Variants in PRRT1B observed in about 807,000 individuals in gnomAD.
The protein encoded by PRRT1B is proline rich transmembrane protein 1B, also known as dispanin subfamily D member 2.
intron 3 of PRRT1B, 57 bp downstream of exon 3, chr9:131,556,270 C>T (rs1236406580): frequency 3.0e-5 from 12 of 400,136 alleles, no homozygotes; most frequent in Non-Finnish European, 4.9e-5. Flanking sequence ...CACTGGCGCC[C>T]CAGTGGGTCC....
chr9:131,550,003 T>C (rs1951000122), intron 1 of PRRT1B, among the ~76,000 whole-genome samples: 2 of 152,132 alleles, frequency 1.3e-5, no homozygotes, highest in Non-Finnish European at 1.5e-5. Flanking sequence ...AAGTATATCA[T>C]GCACCCCTTA....
intron 1 of PRRT1B, among the ~76,000 whole-genome samples, chr9:131,550,875 T>C (rs78514938): frequency 2.6e-5 from 4 of 151,838 alleles, no homozygotes; most frequent in African/African-American, 7.3e-5. Flanking sequence ...TTAATACCTG[T>C]TTTTTTTCTT....
chr9:131,553,194 A>G (rs1291509731), intron 1 of PRRT1B, among the ~76,000 whole-genome samples: 1 of 150,444 alleles, frequency 6.6e-6, no homozygotes, highest in Non-Finnish European at 1.5e-5. Context: ...CATTAAGAAC[A>G]CTCACATTGT....
chr9:131,559,128 C>T (rs1240900102), downstream of PRRT1B, among the ~76,000 whole-genome samples: 1 of 152,180 alleles, frequency 6.6e-6, no homozygotes, highest in Non-Finnish European at 1.5e-5. Flanking sequence ...CAAGAATGAA[C>T]CTGCATTTTA....
chr9:131,550,406 C>T (rs1371362476), intron 1 of PRRT1B, among the ~76,000 whole-genome samples: 5 of 152,188 alleles, frequency 3.3e-5, no homozygotes, highest in Admixed American at 6.5e-5. Flanking sequence ...CCATCAGGCT[C>T]AGCAAATTAC....
chr9:131,554,853 G>A (rs1454582729), exon 2 of PRRT1B: 4 of 371,094 alleles, frequency 1.1e-5, no homozygotes, highest in Non-Finnish European at 1.9e-5. Context: ...CCCGCCCTAC[G>A]CGCCGCCGGA....
At position 131,549,903 on chromosome 9, in the gene PRRT1B, C is replaced by T. The variant is rs1026881693; in HGVS notation, c.25+4263C>T. On this transcript the variant is annotated intron_variant, in intron 1 of 3. Coordinates refer to ENST00000636672, the Ensembl canonical transcript of PRRT1B. The stretch of plus-strand genomic sequence containing the variant: ...AAATTATCTGCTTCCCTGACTATTC[C>T]TGGACTACAGCCACATCTCATTGCC... 2.6e-5 allele frequency among the ~76,000 whole-genome samples: 4 copies of T among 152,262 alleles called. No individual in the cohort carries two copies. The South Asian group carries it at 8.3e-4, about 32-fold the overall frequency.
At chr9:131,558,895 T>A (rs11792907), downstream of PRRT1B, among the ~76,000 whole-genome samples, 1 of 152,144 alleles carries the variant, frequency 6.6e-6, no homozygotes, top group Non-Finnish European at 1.5e-5. Flanking sequence ...CTGTCCACAG[T>A]TGGGCTCCAG....
At position 131,551,003 on chromosome 9, in the gene PRRT1B, C is replaced by T. The variant is rs1471335301; in HGVS notation, c.26-3554C>T. Reference sequence around the variant, plus strand: ...TGTTTCCCAGGCTGGAGTGCAGTGGCGCGATCTCGGCTCACTGCAAGCTCT... The same window carrying T: ...TGTTTCCCAGGCTGGAGTGCAGTGGTGCGATCTCGGCTCACTGCAAGCTCT... On this transcript the variant is annotated intron_variant, in intron 1 of 3. Coordinates refer to ENST00000636672, the Ensembl canonical transcript of PRRT1B. The surrounding 1 kb of genome is among the most constrained non-coding windows in gnomAD (Gnocchi z 4.4). 7.2e-5 allele frequency among the ~76,000 whole-genome samples: 10 copies of T among 138,122 alleles called. No individual in the cohort carries two copies. The highest frequency in any genetic ancestry group is 2.2e-4 in the South Asian group (1 of 4,462). The allele number at this position is 138,122 out of a possible 152,430, so 90.6% of individuals were successfully genotyped here.
At chr9:131,553,194 A>C (rs1291509731) in intron 1 of PRRT1B, among the ~76,000 whole-genome samples, 1 of 150,444 alleles carries the variant, frequency 6.6e-6, no homozygotes, top group Non-Finnish European at 1.5e-5. Flanking sequence ...CATTAAGAAC[A>C]CTCACATTGT....
At chr9:131,552,655 G>A (rs1012155721) in intron 1 of PRRT1B, among the ~76,000 whole-genome samples, 1 of 131,908 alleles carries the variant, frequency 7.6e-6, no homozygotes, top group South Asian at 2.2e-4. Flanking sequence ...CATGCAGTTT[G>A]GGGGGGAGCC....
chr9:131,554,892 C>T (rs1951037846), exon 2 of PRRT1B: 3 of 382,986 alleles, frequency 7.8e-6, no homozygotes. Flanking sequence ...GCTGTACCCG[C>T]CCTTCCCGCA....
At chr9:131,545,602 C>A in exon 1 of PRRT1B, 1 of 396,188 alleles carries the variant, frequency 2.5e-6, no homozygotes, top group Non-Finnish European at 4.4e-6. Context: ...TTGCAGCCGC[C>A]GCGGGCTCGG....
At chr9:131,547,608 C>T (rs184827436) in intron 1 of PRRT1B, among the ~76,000 whole-genome samples, 24 of 152,322 alleles carry the variant, frequency 1.6e-4, no homozygotes, top group African/African-American at 5.1e-4. Context: ...TCTCTTCACA[C>T]GGACGCGAGT....
intron 1 of PRRT1B, among the ~76,000 whole-genome samples, chr9:131,554,106 C>T (rs1951029753): frequency 6.6e-6 from 1 of 152,224 alleles, no homozygotes; most frequent in Non-Finnish European, 1.5e-5. Flanking sequence ...CACCTCACCC[C>T]TCCCCTACAA....
At chr9:131,547,141 G>T (rs1199182264) in intron 1 of PRRT1B, among the ~76,000 whole-genome samples, 1 of 137,662 alleles carries the variant, frequency 7.3e-6, no homozygotes, top group African/African-American at 2.9e-5. Context: ...GCACAATCTC[G>T]GCTCACTGCA....
intron 3 of PRRT1B, among the ~76,000 whole-genome samples, chr9:131,557,551 A>G (rs1005049006): frequency 6.6e-6 from 1 of 152,108 alleles, no homozygotes; most frequent in Non-Finnish European, 1.5e-5. Flanking sequence ...AAAAAAACAA[A>G]CAAAAGCAGG....
chr9:131,557,996 G>A, intron 3 of PRRT1B, 57 bp from the exon 4 acceptor site: 2 of 398,574 alleles, frequency 5.0e-6, no homozygotes, highest in African/African-American at 2.1e-5. Context: ...CGCACTGGGA[G>A]GGAGTGGGGG....
chr9:131,555,061 T>C (rs1951039846), intron 2 of PRRT1B, 32 bp downstream of exon 2: 1 of 388,654 alleles, frequency 2.6e-6, no homozygotes, highest in Admixed American at 4.5e-5. Context: ...CGCGCTCCCC[T>C]CCGTGCTGTC....
Sources: allele counts gnomAD v4.1 joint callset (sites outside exome capture counted in the v4.1 genomes callset), GRCh38; gene constraint gnomAD v4.1.1; non-coding constraint Gnocchi (gnomAD v3.1); transcripts MANE v1.5; gene names NCBI Gene and HGNC (gene_info 2026-07-23, HGNC 2026-07-21).